The following ANKRD31 variants were observed in gnomAD, a reference collection of about 807,000 sequenced individuals.
ANKRD31 encodes ankyrin repeat domain 31.
Under a neutral mutation model 186.0 loss-of-function variants are expected in ANKRD31, and 147 were observed. That is an observed-to-expected ratio of 0.79 (90% CI 0.69 to 0.91). ANKRD31 has a LOEUF of 0.91. ANKRD31 is among the 40% of genes least tolerant of loss of function. ANKRD31 has a pLI of 0.00. For synonymous variants in ANKRD31, 673 were observed against 736.4 expected (o/e 0.91, Z 1.39); for missense variants, 1,986 against 2,148.8 (o/e 0.92, Z 1.50).
intron 17 of ANKRD31, among the ~76,000 whole-genome samples, chr5:75,121,010 C>T (rs963687981): frequency 6.6e-6 from 1 of 151,974 alleles, no homozygotes; most frequent in African/African-American, 2.4e-5. Flanking sequence ...TGGTAAAACC[C>T]CGTCTCTACT....
At chr5:75,197,047 C>A (rs544045020) in intron 6 of ANKRD31, among the ~76,000 whole-genome samples, 2 of 152,026 alleles carry the variant, frequency 1.3e-5, no homozygotes, top group South Asian at 2.1e-4. Flanking sequence ...ATTACAGGAG[C>A]CTGCCACCAT....
chr5:75,171,355 T>G (rs1202012165), intron 10 of ANKRD31, among the ~76,000 whole-genome samples: 1 of 151,816 alleles, frequency 6.6e-6, no homozygotes, highest in Non-Finnish European at 1.5e-5. Flanking sequence ...TTAAACAACT[T>G]CTAATATAAT....
At chr5:75,214,713 G>C (rs1756861216) in intron 3 of ANKRD31, among the ~76,000 whole-genome samples, 1 of 152,176 alleles carries the variant, frequency 6.6e-6, no homozygotes, top group South Asian at 2.1e-4. Flanking sequence ...GAAGATGGAG[G>C]CTGCAAAAGG....
At chr5:75,177,179 G>A (rs1212440098) in intron 10 of ANKRD31, among the ~76,000 whole-genome samples, 1 of 152,058 alleles carries the variant, frequency 6.6e-6, no homozygotes, top group Non-Finnish European at 1.5e-5. Context: ...GAAAAGTTTA[G>A]AGAAAAAAGA....
intron 23 of ANKRD31, among the ~76,000 whole-genome samples, chr5:75,089,720 C>A (rs1405237031): frequency 1.3e-5 from 2 of 152,080 alleles, no homozygotes; most frequent in Non-Finnish European, 2.9e-5. Flanking sequence ...GAAAATAAGC[C>A]TGTTTAGATA....
chr5:75,172,967 A>C (rs1264485723), intron 10 of ANKRD31, among the ~76,000 whole-genome samples: 6 of 152,216 alleles, frequency 3.9e-5, no homozygotes, highest in Non-Finnish European at 5.9e-5. Flanking sequence ...TCCCTGATGA[A>C]CATTGATGCA....
chr5:75,077,616 C>G (rs1744751492), intron 25 of ANKRD31, among the ~76,000 whole-genome samples: 1 of 151,554 alleles, frequency 6.6e-6, no homozygotes, highest in African/African-American at 2.4e-5. Context: ...AAAAACGAAC[C>G]CTGAAATTCT....
At chr5:75,188,057 C>T in intron 10 of ANKRD31, among the ~76,000 whole-genome samples, 1 of 152,116 alleles carries the variant, frequency 6.6e-6, no homozygotes, top group African/African-American at 2.4e-5. Flanking sequence ...GTACTTCATA[C>T]TGTATTTTTT....
chr5:75,202,382 C>T (rs1236709409), intron 5 of ANKRD31, among the ~76,000 whole-genome samples: 1 of 152,172 alleles, frequency 6.6e-6, no homozygotes, highest in African/African-American at 2.4e-5. Flanking sequence ...ACAAATTTTA[C>T]TTTAAAGTTT....
chr5:75,129,174 T>C (rs1409180341), intron 17 of ANKRD31, among the ~76,000 whole-genome samples: 2 of 152,192 alleles, frequency 1.3e-5, no homozygotes, highest in African/African-American at 4.8e-5. Flanking sequence ...CTTCCCTCTC[T>C]GTCTCTGCTC....
At chr5:75,212,931 G>A (rs1304193002) in intron 3 of ANKRD31, among the ~76,000 whole-genome samples, 5 of 152,130 alleles carry the variant, frequency 3.3e-5, no homozygotes, top group African/African-American at 1.2e-4. Flanking sequence ...ATACAATACA[G>A]AGCTAATGCC....
intron 4 of ANKRD31, among the ~76,000 whole-genome samples, chr5:75,210,196 C>CA (rs1286886432): frequency 2.0e-5 from 3 of 152,104 alleles, no homozygotes; most frequent in Non-Finnish European, 4.4e-5. Flanking sequence ...GCTTTCGAGA[C>CA]AGAGTCTTAC....
At chr5:75,185,790 T>C (rs1487927371) in intron 10 of ANKRD31, among the ~76,000 whole-genome samples, 54 of 151,874 alleles carry the variant, frequency 3.6e-4, no homozygotes, top group Non-Finnish European at 4.4e-5. Context: ...CCCATAAATA[T>C]GTATAATTAT....
chr5:75,182,114 T>C (rs1226364222), intron 10 of ANKRD31, among the ~76,000 whole-genome samples: 1 of 152,148 alleles, frequency 6.6e-6, no homozygotes, highest in African/African-American at 2.4e-5. Context: ...CATGTGAACT[T>C]TTTGAATATT....
chr5:75,182,116 T>C (rs1330890843), intron 10 of ANKRD31, among the ~76,000 whole-genome samples: 2 of 152,138 alleles, frequency 1.3e-5, no homozygotes, highest in Non-Finnish European at 2.9e-5. Context: ...TGTGAACTTT[T>C]TGAATATTTT....
At chr5:75,149,604 A>T (rs1041788145) in intron 12 of ANKRD31, among the ~76,000 whole-genome samples, 6 of 152,026 alleles carry the variant, frequency 3.9e-5, no homozygotes, top group African/African-American at 1.4e-4. Context: ...TTCAGTCTTG[A>T]TTCTCATCTG....
At chr5:75,164,352 G>A (rs1185760916) in intron 11 of ANKRD31, among the ~76,000 whole-genome samples, 1 of 152,160 alleles carries the variant, frequency 6.6e-6, no homozygotes, top group African/African-American at 2.4e-5. Context: ...CATGATAAAT[G>A]TTTATTATTA....
chr5:75,210,898 A>G, intron 3 of ANKRD31, 33 bp from the exon 4 acceptor site: 3 of 1,431,386 alleles, frequency 2.1e-6, no homozygotes, highest in Non-Finnish European at 2.8e-6. Flanking sequence ...TTTCCAACTG[A>G]TAAGTGTTAA....
chr5:75,099,020 G>A (rs1746574827), intron 22 of ANKRD31, among the ~76,000 whole-genome samples: 1 of 152,214 alleles, frequency 6.6e-6, no homozygotes, highest in East Asian at 1.9e-4. Context: ...GTTTTCAAAG[G>A]GAATGCTTCC....
Sources: gnomAD v4.1 joint callset for allele counts (sites outside exome capture counted in the v4.1 genomes callset) on GRCh38, gnomAD v4.1.1 for gene constraint, MANE v1.5 for transcripts, NCBI Gene and HGNC (gene_info 2026-07-23, HGNC 2026-07-21) for gene names.